MYDGF: variants seen among roughly 807,000 people sequenced by gnomAD.
The protein encoded by MYDGF is myeloid derived growth factor.
Under a neutral mutation model 24.2 loss-of-function variants are expected in MYDGF, and 29 were observed. That is an observed-to-expected ratio of 1.20 (90% CI 0.89 to 1.63). The LOEUF (loss-of-function observed/expected upper bound fraction) is 1.63. Among genes scored for constraint, MYDGF ranks in the 40% most tolerant of loss-of-function variants. The pLI, the probability that MYDGF is intolerant of heterozygous loss-of-function variation, is 0.00. For missense variants in MYDGF, 245 were observed against 234.8 expected (o/e 1.04, Z -0.29); for synonymous variants, 105 against 102.5 (o/e 1.02, Z -0.15).
At chr19:4,665,190 C>T (rs1445581806) in intron 2 of MYDGF, among the ~76,000 whole-genome samples, 1 of 151,858 alleles carries the variant, frequency 6.6e-6, no homozygotes, top group Non-Finnish European at 1.5e-5. Context: ...GTGGCTCCCA[C>T]GGATGGGGAA....
At chr19:4,667,020 G>A (rs1011269102) in intron 2 of MYDGF, among the ~76,000 whole-genome samples, 1 of 151,930 alleles carries the variant, frequency 6.6e-6, no homozygotes, top group Non-Finnish European at 1.5e-5. Flanking sequence ...CTTGCTGCCA[G>A]CCAGAGGCTG....
chr19:4,664,491 A>G (rs1290327608), intron 3 of MYDGF, among the ~76,000 whole-genome samples: 3 of 141,762 alleles, frequency 2.1e-5, no homozygotes, highest in African/African-American at 8.5e-5. Flanking sequence ...CTCCATCTCA[A>G]AAAAAAAAAA....
intron 3 of MYDGF, among the ~76,000 whole-genome samples, chr19:4,663,097 C>T (rs1423177090): frequency 5.3e-5 from 8 of 150,648 alleles, no homozygotes; most frequent in Admixed American, 2.0e-4. Context: ...CTACAGCCTC[C>T]GATCTACATT....
chr19:4,665,056 G>T, intron 2 of MYDGF, 119 bp from the exon 3 acceptor site: 1 of 1,115,564 alleles, frequency 9.0e-7, no homozygotes, highest in South Asian at 1.5e-5. Flanking sequence ...TTCAGGGGCT[G>T]GCCACTAAAT....
At chr19:4,658,130 T>C (rs1294845931) in intron 5 of MYDGF, 46 bp from the exon 6 acceptor site, 1 of 1,553,940 alleles carries the variant, frequency 6.4e-7, no homozygotes. Context: ...TTGAAAATTC[T>C]CAGAAGTCCG....
intron 4 of MYDGF, 28 bp downstream of exon 4, chr19:4,660,641 G>C: frequency 1.2e-6 from 2 of 1,602,666 alleles, no homozygotes; most frequent in Non-Finnish European, 1.7e-6. Context: ...AGCCACACCC[G>C]GAGCCTGCCC....
chr19:4,668,654 T>G lies in MYDGF; in HGVS notation c.175-9A>C, dbSNP rs367760869. On this transcript the variant is annotated splice_polypyrimidine_tract_variant and intron_variant, in intron 1 of 5. Transcript: ENST00000262947. ...ATACACGTATATTTGTCCTAGAGAA[T>G]GGAAGGAAAAAAAAGGTTTGGTAGA... 20 of 1,610,492 alleles carry G rather than the reference T, an allele frequency of 1.2e-5. No individual in the cohort carries two copies. Among genetic ancestry groups the G allele is most frequent in the Non-Finnish European group, 1.7e-5 (20 of 1,178,046 alleles).
intron 2 of MYDGF, among the ~76,000 whole-genome samples, chr19:4,666,977 T>A (rs559231500): frequency 6.6e-6 from 1 of 152,096 alleles, no homozygotes; most frequent in Non-Finnish European, 1.5e-5. Flanking sequence ...AGATTTCAGT[T>A]CCTCTTGGTT....
chr19:4,659,331 G>C (rs2088450654), intron 5 of MYDGF, among the ~76,000 whole-genome samples: 1 of 151,916 alleles, frequency 6.6e-6, no homozygotes, highest in South Asian at 2.1e-4. Flanking sequence ...CCACCTCCCA[G>C]GTTCCAGCAA....
chr19:4,660,039 G>C, intron 4 of MYDGF, 36 bp from the exon 5 acceptor site: 1 of 1,555,058 alleles, frequency 6.4e-7, no homozygotes. Flanking sequence ...ACCAGGGCCA[G>C]TTCAATGCTC....
chr19:4,669,927 C>T (rs562254087), intron 1 of MYDGF, among the ~76,000 whole-genome samples: 2 of 152,148 alleles, frequency 1.3e-5, no homozygotes, highest in East Asian at 3.9e-4. Context: ...GCCCCCTCAA[C>T]GCCGCCGGGG....
chr19:4,658,600 C>G (rs556555195), intron 5 of MYDGF, among the ~76,000 whole-genome samples: 1 of 152,026 alleles, frequency 6.6e-6, no homozygotes, highest in African/African-American at 2.4e-5. Context: ...TGCCCCAGCT[C>G]GGCGCCTCCG....
chr19:4,669,930 C>T (rs1358442881), intron 1 of MYDGF, among the ~76,000 whole-genome samples: 1 of 152,050 alleles, frequency 6.6e-6, no homozygotes. Flanking sequence ...CCCTCAACGC[C>T]GCCGGGGCCC....
intron 1 of MYDGF, 109 bp downstream of exon 1, chr19:4,670,052 T>G: frequency 8.1e-7 from 1 of 1,227,724 alleles, no homozygotes; most frequent in Non-Finnish European, 1.1e-6. Context: ...CCTTCTTCAG[T>G]ACCCACCTCC....
At chr19:4,667,795 T>G (rs2088532793) in intron 2 of MYDGF, among the ~76,000 whole-genome samples, 1 of 151,832 alleles carries the variant, frequency 6.6e-6, no homozygotes, top group South Asian at 2.1e-4. Context: ...CCTCCTGGGC[T>G]CAAGCGATCC....
At chr19:4,668,480 T>C (rs938990702) in intron 2 of MYDGF, 115 bp downstream of exon 2, 5 of 818,364 alleles carry the variant, frequency 6.1e-6, no homozygotes. Flanking sequence ...GGAAGAGTCA[T>C]TCAATGAGTG....
At position 4,669,749 on chromosome 19, in the gene MYDGF, A is replaced by G. The variant is rs371087205; in HGVS notation, c.174+412T>C. ...GGGACCTTGTGCAATGGAAGGAAGG[A>G]GCACTTCCTCCCTCTTCGGAGCTGC... On this transcript the variant is annotated intron_variant, in intron 1 of 5. Transcript: ENST00000262947. 3.3e-5 allele frequency among the ~76,000 whole-genome samples: 5 copies of G among 152,002 alleles called. No individual in the cohort carries two copies. The East Asian group carries it at 7.7e-4, about 24-fold the overall frequency.
chr19:4,658,614 CCT>C (rs2088443332), intron 5 of MYDGF, among the ~76,000 whole-genome samples: 1 of 152,128 alleles, frequency 6.6e-6, no homozygotes, highest in African/African-American at 2.4e-5. Flanking sequence ...GCCTCCGATT[CCT>C]CTTTCTGCTT....
chr19:4,660,014 ATGAG>A lies in MYDGF; in HGVS notation c.370-15_370-12del. The A allele has an allele frequency of 6.2e-7, 1 of 1,612,874 alleles. No homozygotes were observed. The highest frequency in any genetic ancestry group is 8.5e-7 in the Non-Finnish European group (1 of 1,179,086). On this transcript the variant is annotated splice_polypyrimidine_tract_variant and intron_variant, in intron 4 of 5. Transcript: ENST00000262947. The stretch of plus-strand genomic sequence containing the variant: ...AAATGCGGCTTTAGACTGAAAAAGA[ATGAG>A]TGGAAACTTTACCAGGGCCAGTTCA...
Sources: allele counts gnomAD v4.1 joint callset (sites outside exome capture counted in the v4.1 genomes callset), GRCh38; gene constraint gnomAD v4.1.1; transcripts MANE v1.5; gene names NCBI Gene and HGNC (gene_info 2026-07-23, HGNC 2026-07-21).